The following EDEM1 variants were observed in gnomAD, a reference collection of about 807,000 sequenced individuals.
EDEM1 encodes ER degradation enhancing alpha-mannosidase like protein 1, also known as ER degradation-enhancing alpha-mannosidase-like protein 1.
A neutral mutation model predicts 74.4 loss-of-function variants in EDEM1; 67 were observed. The observed-to-expected ratio is 0.90, with a 90% CI of 0.74 to 1.10. The LOEUF (loss-of-function observed/expected upper bound fraction) is 1.10. Among genes scored for constraint, EDEM1 ranks in the 50% least tolerant of loss-of-function variants. The pLI, the probability that EDEM1 is intolerant of heterozygous loss-of-function variation, is 0.00. For missense variants in EDEM1, 926 were observed against 851.6 expected (o/e 1.09, Z -1.09); for synonymous variants, 382 against 335.9 (o/e 1.14, Z -1.50).
chr3:5,216,016 C>A lies in EDEM1; in HGVS notation c.*98C>A. Reference sequence around the variant, plus strand: ...GAAATGAAAGGGGACAGAAGTCTTGCTGTCCATGGTGGTGTAGGAATTTCT... The same window carrying A: ...GAAATGAAAGGGGACAGAAGTCTTGATGTCCATGGTGGTGTAGGAATTTCT... On this transcript the variant is annotated 3_prime_UTR_variant, in exon 12 of 12. Transcript: ENST00000256497. The A allele has an allele frequency of 9.9e-7, 1 of 1,006,118 alleles. No individual in the cohort carries two copies. The highest frequency in any genetic ancestry group is 1.5e-6 in the Non-Finnish European group (1 of 662,332). 62.3% of individuals were successfully genotyped at this position (1,006,118 alleles called of 1,614,324 possible).
chr3:5,199,888 G>C (rs1166456607), intron 3 of EDEM1, among the ~76,000 whole-genome samples, 193 bp downstream of exon 3: 1 of 151,826 alleles, frequency 6.6e-6, no homozygotes, highest in Non-Finnish European at 1.5e-5. Context: ...TCACATTCCG[G>C]ACTGAAGGGA....
At chr3:5,215,113 G>T (rs571727185) in intron 11 of EDEM1, among the ~76,000 whole-genome samples, 1 of 152,246 alleles carries the variant, frequency 6.6e-6, no homozygotes, top group East Asian at 1.9e-4. Flanking sequence ...GGACCGGCCA[G>T]TCTTGATCTT....
At position 5,188,091 on chromosome 3, in the gene EDEM1, G is replaced by T; in HGVS notation, c.286G>T (p.Gly96Cys). ...GCGGCGTCCTGGGCCGGGGATGTGC[G>T]GCCCAGCCAACTGGGGCTACGTGCT... Reference protein sequence around the residue: ...APRRPGPGMCGPANWGYVLGG... With the variant: ...APRRPGPGMCCPANWGYVLGG... The change falls in exon 1 of 12, where the codon GGC becomes TGC. Residue 96 changes from glycine (G) to cysteine (C), a missense_variant. By Grantham distance (159) the Gly-to-Cys change is radical. Coordinates refer to ENST00000256497, the MANE Select transcript of EDEM1 (RefSeq NM_014674.3). 6.7e-7 allele frequency: 1 copy of T among 1,497,716 alleles called. No individual in the cohort carries two copies. Among genetic ancestry groups the T allele is most frequent in the South Asian group, 1.3e-5 (1 of 78,666 alleles). 92.8% of individuals were successfully genotyped at this position (1,497,716 alleles called of 1,614,324 possible).
At chr3:5,207,295 T>A in intron 7 of EDEM1, 22 bp downstream of exon 7, 1 of 1,613,268 alleles carries the variant, frequency 6.2e-7, no homozygotes, top group South Asian at 1.1e-5. Context: ...TCAGATTTCC[T>A]AAGAATAACC....
intron 4 of EDEM1, 119 bp from the exon 5 acceptor site, chr3:5,202,847 G>T (rs1203251685): frequency 1.3e-6 from 1 of 787,008 alleles, no homozygotes. Context: ...GAAGGCAGAG[G>T]GCAGACTCTC....
rs1230553936 is a variant in EDEM1, at chr3:5,218,786, G to A, written c.*2868G>A. On this transcript the variant is annotated 3_prime_UTR_variant, in exon 12 of 12. Coordinates refer to ENST00000256497, the MANE Select transcript of EDEM1 (RefSeq NM_014674.3). ...ATAGGTGGCAAGGGAGGGTTTGCTA[G>A]CTCTCCATTTGCACTGGCCATTGTG... The A allele has an allele frequency of 2.0e-5, 3 of 152,174 alleles. No individual in the cohort carries two copies. The highest frequency in any genetic ancestry group is 2.9e-5 in the Non-Finnish European group (2 of 68,040). The allele number at this position is 152,174 out of a possible 1,614,324, so 9.4% of individuals were successfully genotyped here. A position where few individuals can be genotyped will look rare whatever the true frequency, so the allele number is the denominator to read the frequency against.
intron 1 of EDEM1, among the ~76,000 whole-genome samples, chr3:5,190,676 G>C (rs1270318594): frequency 6.6e-6 from 1 of 152,176 alleles, no homozygotes; most frequent in African/African-American, 2.4e-5. Flanking sequence ...AAGTATTGAG[G>C]AGGTGGGGAT....
chr3:5,216,063 G>A lies in EDEM1; in HGVS notation c.*145G>A, dbSNP rs1436160716. 4.8e-6 allele frequency: 3 copies of A among 627,938 alleles called. No individual in the cohort carries two copies. Among genetic ancestry groups the A allele is most frequent in the African/African-American group, 3.7e-5 (2 of 53,758 alleles). 38.9% of individuals were successfully genotyped at this position (627,938 alleles called of 1,614,324 possible). On this transcript the variant is annotated 3_prime_UTR_variant, in exon 12 of 12. Coordinates refer to ENST00000256497, the MANE Select transcript of EDEM1 (RefSeq NM_014674.3). ...TTCTGTGCAACACCTCACCACGTCT[G>A]GTTAATCCTTGCACACTTCAGTGTT...
rs754118516 is a variant in EDEM1 at position 5,216,569 on chromosome 3, A to G, written c.*651A>G. ...AATTGGGGTCTTCCCCTGATATCCA[A>G]CCGTGATTTTGGATCACATGGGAGA... On this transcript the variant is annotated 3_prime_UTR_variant, in exon 12 of 12. Transcript: ENST00000256497. 2.6e-5 allele frequency: 4 copies of G among 152,354 alleles called. No individual in the cohort carries two copies. The highest frequency in any genetic ancestry group is 4.8e-5 in the African/African-American group (2 of 41,456). The allele number at this position is 152,354 out of a possible 1,614,324, so 9.4% of individuals were successfully genotyped here.
rs79989264 is a variant in EDEM1 at position 5,195,564 on chromosome 3, G to T, written c.582+283G>T. On this transcript the variant is annotated intron_variant, in intron 2 of 11. Transcript: ENST00000256497. ...CCAGTTTCTATCTTATTCCCTAAAA[G>T]AACCCATAATGAAGCTCATTAATAT... Among the ~76,000 whole-genome samples, 636 of 152,118 alleles carry T rather than the reference G, an allele frequency of 4.2e-3. 19 individuals are homozygous for T. In the East Asian group the frequency reaches 0.052, roughly 12 times the overall value.
intron 1 of EDEM1, among the ~76,000 whole-genome samples, chr3:5,191,140 C>A (rs1367587219): frequency 1.3e-5 from 2 of 152,158 alleles, no homozygotes; most frequent in African/African-American, 2.4e-5. Flanking sequence ...AGTTTAAAAC[C>A]AGAGTATTGT....
intron 3 of EDEM1, among the ~76,000 whole-genome samples, chr3:5,200,095 C>A (rs930175789): frequency 1.3e-5 from 2 of 152,046 alleles, no homozygotes; most frequent in African/African-American, 4.8e-5. Context: ...ACCACCACAC[C>A]TAAGTTTTGT....
rs773421078 is a variant in EDEM1, at chr3:5,199,610, G to C, written c.601G>C (p.Glu201Gln). Residue 201 changes from glutamate (E) to glutamine (Q), a missense_variant, in exon 3 of 12, where the codon GAG (glutamate) becomes CAG (glutamine). Glu to Gln is a conservative substitution (Grantham distance 29). Transcript: ENST00000256497. ...TTTAAAGATAATGGGAAATTCATCC[G>C]AGTTCCAGAAAGCCGTCAAGTTAGT... is the stretch of plus-strand genomic sequence containing the variant. ...DTLAIMGNSS[E>Q]FQKAVKLVIN... 6.2e-7 allele frequency: 1 copy of C among 1,612,862 alleles called. No individual in the cohort carries two copies. The highest frequency in any genetic ancestry group is 8.5e-7 in the Non-Finnish European group (1 of 1,179,440).
chr3:5,197,231 A>G (rs1470126947), intron 2 of EDEM1, among the ~76,000 whole-genome samples: 3 of 152,182 alleles, frequency 2.0e-5, no homozygotes, highest in South Asian at 4.1e-4. Flanking sequence ...TTCCCAACAC[A>G]GATTCCAAAG....
intron 4 of EDEM1, among the ~76,000 whole-genome samples, chr3:5,202,412 A>G (rs575618681): frequency 1.3e-5 from 2 of 152,338 alleles, no homozygotes; most frequent in Non-Finnish European, 2.9e-5. Flanking sequence ...ATCTGGAATT[A>G]GATTATATAT....
intron 3 of EDEM1, 32 bp downstream of exon 3, chr3:5,199,727 G>A: frequency 6.4e-7 from 1 of 1,556,866 alleles, no homozygotes; most frequent in Non-Finnish European, 8.8e-7. Context: ...AAATGAATTG[G>A]AGACTTCTTT....
intron 11 of EDEM1, among the ~76,000 whole-genome samples, chr3:5,214,375 C>A (rs2055205169): frequency 6.6e-6 from 1 of 152,160 alleles, no homozygotes; most frequent in Admixed American, 6.5e-5. Flanking sequence ...TGCTTCAGTG[C>A]TTTTCCGTTA....
chr3:5,208,331 T>A, intron 8 of EDEM1, 68 bp downstream of exon 8: 2 of 1,551,196 alleles, frequency 1.3e-6, no homozygotes, highest in Non-Finnish European at 1.7e-6. Context: ...TCATTCTTAA[T>A]GAACATTTGC....
chr3:5,200,254 G>A (rs375582344), intron 3 of EDEM1, among the ~76,000 whole-genome samples: 1 of 152,176 alleles, frequency 6.6e-6, no homozygotes, highest in East Asian at 1.9e-4. Flanking sequence ...TAACGGGGGT[G>A]TAAAATAGGT....
Sources: gnomAD v4.1 joint callset for allele counts (sites outside exome capture counted in the v4.1 genomes callset) on GRCh38, gnomAD v4.1.1 for gene constraint, MANE v1.5 for transcripts, NCBI Gene and HGNC (gene_info 2026-07-23, HGNC 2026-07-21) for gene names.